Variants in ST7 observed in about 807,000 individuals in gnomAD.
ST7 encodes suppressor of tumorigenicity 7 protein.
ST7 carries 28 observed loss-of-function variants against 78.7 expected under a neutral mutation model. The observed-to-expected ratio is 0.36, with a 90% CI of 0.26 to 0.49. ST7 has a LOEUF of 0.49. Among genes scored for constraint, ST7 ranks in the 20% least tolerant of loss-of-function variants. The pLI, the probability that ST7 is intolerant of heterozygous loss-of-function variation, is 0.99. For synonymous variants in ST7, 247 were observed against 249.6 expected, an observed-to-expected ratio of 0.99 and a Z score of 0.10; for missense variants, 418 against 696.0, an observed-to-expected ratio of 0.60 and a Z score of 4.49.
intron 15 of ST7, among the ~76,000 whole-genome samples, chr7:117,227,364 T>C (rs897063007): frequency 6.6e-6 from 1 of 152,220 alleles, no homozygotes; most frequent in African/African-American, 2.4e-5. Context: ...GTCTTCAGGA[T>C]ATAACTTTGC....
At chr7:116,975,696 C>T (rs1280767165) in intron 1 of ST7, among the ~76,000 whole-genome samples, 1 of 151,782 alleles carries the variant, frequency 6.6e-6, no homozygotes, top group Non-Finnish European at 1.5e-5. Flanking sequence ...GCATGAACCA[C>T]CATGCCCAGC....
At chr7:117,029,306 G>T (rs1391115354) in intron 1 of ST7, among the ~76,000 whole-genome samples, 1 of 151,996 alleles carries the variant, frequency 6.6e-6, no homozygotes, top group Non-Finnish European at 1.5e-5. Context: ...GTGTGTAATG[G>T]TATATTGTGA....
At chr7:117,142,625 G>C (rs540054624) in intron 9 of ST7, among the ~76,000 whole-genome samples, 20 of 151,974 alleles carry the variant, frequency 1.3e-4, no homozygotes, top group Admixed American at 3.9e-4. Context: ...GTTTTGTTTT[G>C]TTTTTGAGAT....
chr7:116,954,161 C>T (rs1792311472), intron 1 of ST7: 1 of 151,724 alleles, frequency 6.6e-6, no homozygotes, highest in Non-Finnish European at 1.5e-5. Flanking sequence ...CCCGCCCGGC[C>T]GCGGAGGCCC....
chr7:117,079,326 C>A (rs1194469603), intron 1 of ST7, among the ~76,000 whole-genome samples: 1 of 152,082 alleles, frequency 6.6e-6, no homozygotes, highest in Admixed American at 6.6e-5. Context: ...CTTTTGGGGT[C>A]CACAGGGTGA....
intron 10 of ST7, among the ~76,000 whole-genome samples, chr7:117,183,541 C>G (rs1808963042): frequency 6.6e-6 from 1 of 152,026 alleles, no homozygotes; most frequent in African/African-American, 2.4e-5. Context: ...TGACTGCTAC[C>G]CAGAATGAAA....
At chr7:116,988,425 A>G (rs917338904) in intron 1 of ST7, among the ~76,000 whole-genome samples, 1 of 152,218 alleles carries the variant, frequency 6.6e-6, no homozygotes, top group Non-Finnish European at 1.5e-5. Context: ...ATATTTTAGC[A>G]GTCTGCTGCA....
At chr7:117,090,996 GGAAA>G (rs1326391648) in intron 1 of ST7, among the ~76,000 whole-genome samples, 1 of 152,212 alleles carries the variant, frequency 6.6e-6, no homozygotes, top group African/African-American at 2.4e-5. Context: ...CCACAACTGA[GGAAA>G]GAATGTGCTC....
At chr7:117,077,736 A>AT (rs1799453191) in intron 1 of ST7, among the ~76,000 whole-genome samples, 1 of 152,008 alleles carries the variant, frequency 6.6e-6, no homozygotes, top group Admixed American at 6.6e-5. Flanking sequence ...GATTTGCCTC[A>AT]TTTTAAGCAA....
chr7:116,994,893 ATACT>A (rs1225610942), intron 1 of ST7, among the ~76,000 whole-genome samples: 1 of 152,218 alleles, frequency 6.6e-6, no homozygotes, highest in Admixed American at 6.5e-5. Context: ...TCGCTCTTTC[ATACT>A]TACTTTTCAC....
intron 8 of ST7, 187 bp downstream of exon 8, chr7:117,136,422 A>T (rs529126972): frequency 6.2e-5 from 41 of 658,468 alleles, no homozygotes; most frequent in Non-Finnish European, 1.0e-4. Context: ...TTACAGCTTC[A>T]TTGCTGTTTA....
At chr7:117,229,695 A>C in intron 15 of ST7, 67 bp from the exon 16 acceptor site, 3 of 1,281,792 alleles carry the variant, frequency 2.3e-6, no homozygotes, top group Non-Finnish European at 3.3e-6. Flanking sequence ...GCGTGGGTGG[A>C]GAGGTTTGTT....
chr7:117,137,530 A>G (rs1435995417), intron 8 of ST7, among the ~76,000 whole-genome samples: 1 of 152,142 alleles, frequency 6.6e-6, no homozygotes, highest in Non-Finnish European at 1.5e-5. Flanking sequence ...GCCTAAATCC[A>G]TCCAAAAATA....
At chr7:117,155,795 TTAAACTC>T (rs1806644235) in intron 9 of ST7, among the ~76,000 whole-genome samples, 2 of 152,200 alleles carry the variant, frequency 1.3e-5, no homozygotes, top group South Asian at 4.1e-4. Context: ...CACTCAGAGT[TTAAACTC>T]TAAAAGTGGC....
chr7:117,109,572 A>C (rs77441026), intron 2 of ST7, among the ~76,000 whole-genome samples: 1 of 152,198 alleles, frequency 6.6e-6, no homozygotes, highest in African/African-American at 2.4e-5. Context: ...CAACAAAAAA[A>C]AGTCCAGGAC....
At chr7:117,060,779 A>C (rs1381898746) in intron 1 of ST7, among the ~76,000 whole-genome samples, 1 of 152,046 alleles carries the variant, frequency 6.6e-6, no homozygotes, top group East Asian at 1.9e-4. Context: ...GCTGAGGTGG[A>C]TGGATCACCT....
chr7:117,165,089 T>A (rs976213969), intron 9 of ST7, among the ~76,000 whole-genome samples: 12 of 152,086 alleles, frequency 7.9e-5, no homozygotes, highest in African/African-American at 2.9e-4. Flanking sequence ...TAGAAAGGAT[T>A]CTGGGAATGG....
chr7:116,996,563 C>G (rs1352052086), intron 1 of ST7, among the ~76,000 whole-genome samples: 1 of 152,214 alleles, frequency 6.6e-6, no homozygotes. Flanking sequence ...GCTACAGTCT[C>G]TTCGTAACCA....
At chr7:117,199,317 A>G (rs1563162093) in intron 12 of ST7, among the ~76,000 whole-genome samples, 1 of 151,910 alleles carries the variant, frequency 6.6e-6, no homozygotes, top group Non-Finnish European at 1.5e-5. Context: ...GGTTGCTTAT[A>G]TCTCCTTCCT....
Sources: allele counts gnomAD v4.1 joint callset (sites outside exome capture counted in the v4.1 genomes callset), GRCh38; gene constraint gnomAD v4.1.1; transcripts MANE v1.5; gene names NCBI Gene and HGNC (gene_info 2026-07-23, HGNC 2026-07-21).